The following CWH43 variants were observed in gnomAD, a reference collection of about 807,000 sequenced individuals.
CWH43 encodes the protein cell wall biogenesis 43 C-terminal homolog, also known as PGAP2-interacting protein.
A neutral mutation model predicts 85.7 loss-of-function variants in CWH43; 91 were observed. The observed-to-expected ratio is 1.06, with a 90% confidence interval of 0.90 to 1.26. The LOEUF is 1.26. Among genes scored for constraint, CWH43 ranks in the 50% most tolerant of loss-of-function variants. The pLI, the probability that CWH43 is intolerant of heterozygous loss-of-function variation, is 0.00. For synonymous variants in CWH43, 323 were observed against 293.6 expected (o/e 1.10, Z -1.02); for missense variants, 869 against 839.2 (o/e 1.04, Z -0.44).
chr4:49,009,917 G>A (rs1478260189), intron 8 of CWH43, among the ~76,000 whole-genome samples: 1 of 152,088 alleles, frequency 6.6e-6, no homozygotes, highest in Non-Finnish European at 1.5e-5. Context: ...TGTATATCAG[G>A]GATATTGGTT....
chr4:48,999,641 T>C (rs764103565), intron 6 of CWH43, among the ~76,000 whole-genome samples: 1 of 152,238 alleles, frequency 6.6e-6, no homozygotes, highest in Non-Finnish European at 1.5e-5. Flanking sequence ...TAGCAGATTT[T>C]ACTGAGGAGA....
At chr4:49,013,236 G>A (rs1158265385) in intron 8 of CWH43, among the ~76,000 whole-genome samples, 1 of 152,258 alleles carries the variant, frequency 6.6e-6, no homozygotes, top group Admixed American at 6.5e-5. Flanking sequence ...CGCCTTGGAG[G>A]TTGATCTCAG....
At chr4:48,994,903 T>G in intron 5 of CWH43, 83 bp downstream of exon 5, 1 of 1,093,666 alleles carries the variant, frequency 9.1e-7, no homozygotes, top group Non-Finnish European at 1.4e-6. Context: ...CAGCTAGGTC[T>G]GTGCTAGCCA....
chr4:49,032,546 C>T lies in CWH43; in HGVS notation c.1509-20C>T. 6.2e-7 allele frequency: 1 copy of T among 1,613,200 alleles called. No individual in the cohort carries two copies. The highest frequency in any genetic ancestry group is 8.5e-7 in the Non-Finnish European group (1 of 1,179,250). Reference sequence around the variant, plus strand: ...ATGGGACTGACAATGATGCCCATGTCTCTTTTCATTCCAATACAGGATTAT... The same window carrying T: ...ATGGGACTGACAATGATGCCCATGTTTCTTTTCATTCCAATACAGGATTAT... On this transcript the variant is annotated intron_variant, in intron 11 of 15. Transcript: ENST00000226432.
rs777968869 is a variant in CWH43, at chr4:49,038,138, C to T, written c.1761C>T (p.Gly587=). 9.3e-6 allele frequency: 15 copies of T among 1,610,372 alleles called. No homozygotes were observed. Among genetic ancestry groups the T allele is most frequent in the African/African-American group, 1.3e-5 (1 of 74,766 alleles). ...TGGGATATATCACTTCAGCACCTGG[C>T]TCCAGAGATTATCTACAGCTCACTG... ...IFLGYITSAP[G]SRDYLQLTEH... Residue 587 remains glycine (G), a synonymous_variant, in exon 13 of 16, where the codon GGC becomes GGT. Coordinates refer to ENST00000226432, the MANE Select transcript of CWH43 (RefSeq NM_025087.3).
At chr4:49,033,552 C>G (rs954413775) in intron 12 of CWH43, among the ~76,000 whole-genome samples, 2 of 152,084 alleles carry the variant, frequency 1.3e-5, no homozygotes, top group Admixed American at 6.6e-5. Flanking sequence ...AAGTTAATTT[C>G]AAGATTATTG....
At position 48,992,332 on chromosome 4, in the gene CWH43, T is replaced by C. The variant is rs1034336370; in HGVS notation, c.511+242T>C. On this transcript the variant is annotated intron_variant, in intron 4 of 15. Transcript: ENST00000226432. The surrounding 1 kb of genome is among the most constrained non-coding windows in gnomAD (Gnocchi z 4.3). ...AAATACCATTACTGGTTTGTAGCAC[T>C]GTGGCAGTGGGAGACGAGAACCAGG... Among the ~76,000 whole-genome samples, 2 of 152,236 alleles carry C rather than the reference T, an allele frequency of 1.3e-5. No individual in the cohort carries two copies. The highest frequency in any genetic ancestry group is 2.4e-5 in the African/African-American group (1 of 41,466).
Position 49,020,416 on chromosome 4 carries a change from C to CACACACACACACACACACACATAT in CWH43, c.1266+3089_1266+3090insCACACACACACACACACACATATA, listed in dbSNP as rs140534523. Reference sequence around the variant, plus strand: ...ACACACACACACACACACACACACACATATATATATATAAATCATATTTTC... The same window carrying CACACACACACACACACACACATAT: ...ACACACACACACACACACACACACACACACACACACACACACACACATATATATATATATATAAATCATATTTTC... On this transcript the variant is annotated intron_variant, in intron 9 of 15. Transcript: ENST00000226432. Among the ~76,000 whole-genome samples the CACACACACACACACACACACATAT allele has an allele frequency of 4.6e-3, 592 of 128,334 alleles. 5 individuals carry two copies. Among genetic ancestry groups the CACACACACACACACACACACATAT allele is most frequent in the South Asian group, 8.5e-3 (33 of 3,870 alleles). The allele number at this position is 128,334 out of a possible 152,430, so 84.2% of individuals were successfully genotyped here. A position where few individuals can be genotyped will look rare whatever the true frequency, so the allele number is the denominator to read the frequency against.
chr4:49,005,342 C>A (rs940884981), intron 7 of CWH43, among the ~76,000 whole-genome samples: 3 of 152,104 alleles, frequency 2.0e-5, no homozygotes, highest in Non-Finnish European at 4.4e-5. Context: ...AATTTCTCAT[C>A]ATTGCCCCCT....
intron 15 of CWH43, among the ~76,000 whole-genome samples, chr4:49,052,711 A>G (rs572940014): frequency 1.6e-4 from 24 of 152,358 alleles, no homozygotes; most frequent in African/African-American, 5.8e-4. Context: ...ACTCAGTTTA[A>G]TTACGAAAAT....
At chr4:49,020,416 C>CACATATATAT (rs140534523) in intron 9 of CWH43, among the ~76,000 whole-genome samples, 44 of 128,392 alleles carry the variant, frequency 3.4e-4, no homozygotes, top group African/African-American at 1.0e-3. Flanking sequence ...CACACACACA[C>CACATATATAT]ATATATATAT....
intron 6 of CWH43, 195 bp from the exon 7 acceptor site, chr4:49,003,540 A>G (rs1783058189): frequency 1.8e-6 from 1 of 559,108 alleles, no homozygotes; most frequent in African/African-American, 1.9e-5. Flanking sequence ...TCCACATTCT[A>G]CCTCCAGTTG....
chr4:49,027,722 A>G (rs1264529600), intron 9 of CWH43, among the ~76,000 whole-genome samples: 1 of 152,214 alleles, frequency 6.6e-6, no homozygotes, highest in African/African-American at 2.4e-5. Context: ...TTTAAAATAT[A>G]CGATTAAGTT....
intron 7 of CWH43, among the ~76,000 whole-genome samples, chr4:49,004,335 C>T (rs1238544059): frequency 6.6e-6 from 1 of 152,174 alleles, no homozygotes; most frequent in Non-Finnish European, 1.5e-5. Context: ...GATACTCATG[C>T]TGCCACTTCA....
At chr4:49,003,699 G>A in intron 6 of CWH43, 36 bp from the exon 7 acceptor site, 1 of 1,611,124 alleles carries the variant, frequency 6.2e-7, no homozygotes, top group Non-Finnish European at 8.5e-7. Context: ...AAGCTCGACT[G>A]CTTTCCTGTC....
At chr4:49,012,495 C>T (rs759708649) in intron 8 of CWH43, among the ~76,000 whole-genome samples, 8 of 152,224 alleles carry the variant, frequency 5.3e-5, no homozygotes, top group African/African-American at 7.2e-5. Flanking sequence ...AGTCATTCTC[C>T]GTCCAGCTTT....
At chr4:48,997,582 G>A (rs1216696610) in intron 5 of CWH43, among the ~76,000 whole-genome samples, 1 of 151,932 alleles carries the variant, frequency 6.6e-6, no homozygotes, top group Non-Finnish European at 1.5e-5. Context: ...GTAGCCCCAG[G>A]GTCATTCTTA....
intron 14 of CWH43, among the ~76,000 whole-genome samples, chr4:49,046,490 AGCTAT>A (rs1266153154): frequency 6.6e-6 from 1 of 152,180 alleles, no homozygotes. Flanking sequence ...AGAAATGACA[AGCTAT>A]GACAGGTGGA....
chr4:49,048,357 C>G (rs1784694724), intron 14 of CWH43, among the ~76,000 whole-genome samples: 1 of 150,232 alleles, frequency 6.7e-6, no homozygotes, highest in South Asian at 2.1e-4. Context: ...TATATATACA[C>G]TCTGTATATA....
Sources: allele counts gnomAD v4.1 joint callset (sites outside exome capture counted in the v4.1 genomes callset), GRCh38; gene constraint gnomAD v4.1.1; non-coding constraint Gnocchi (gnomAD v3.1); transcripts MANE v1.5; gene names NCBI Gene and HGNC (gene_info 2026-07-23, HGNC 2026-07-21).